PC: variants seen among roughly 807,000 people sequenced by gnomAD.
PC encodes pyruvate carboxylase, mitochondrial.
Under a neutral mutation model 107.8 loss-of-function variants are expected in PC, and 46 were observed. The ratio of observed to expected loss-of-function variants is 0.43; its 90% CI spans 0.34 to 0.55. The LOEUF is 0.55. PC is among the 20% of genes least tolerant of loss of function. The pLI, the probability that PC is intolerant of heterozygous loss-of-function variation, is 0.04. For missense variants in PC, 1,241 were observed against 1,643.1 expected (o/e 0.76, Z 4.23); for synonymous variants, 662 against 684.7 (o/e 0.97, Z 0.52).
intron 3 of PC, among the ~76,000 whole-genome samples, chr11:66,916,837 T>G (rs928102786): frequency 1.3e-5 from 2 of 151,680 alleles, no homozygotes; most frequent in African/African-American, 4.8e-5. Context: ...ACCTATAGTC[T>G]CAGCTACTCA....
chr11:66,879,960 T>C (rs2380760), intron 3 of PC, among the ~76,000 whole-genome samples: 43,791 of 151,722 alleles, frequency 0.29, 6,386 homozygotes, highest in Middle Eastern at 0.35. Flanking sequence ...AGAACCTAGT[T>C]ATGGCCCTGA....
chr11:66,877,551 C>T (rs116704918), intron 3 of PC, among the ~76,000 whole-genome samples: 6,101 of 152,292 alleles, frequency 0.04, 191 homozygotes, highest in African/African-American at 0.089. Context: ...ATTAGCTAGG[C>T]ATGGTGGCGG....
intron 12 of PC, among the ~76,000 whole-genome samples, chr11:66,863,526 T>C (rs1294037320): frequency 6.6e-6 from 1 of 152,050 alleles, no homozygotes; most frequent in Admixed American, 6.5e-5. Context: ...ACAGGAGGCA[T>C]GTGAGGACGA....
chr11:66,939,381 T>C (rs984914513), intron 3 of PC, among the ~76,000 whole-genome samples: 5 of 119,878 alleles, frequency 4.2e-5, no homozygotes, highest in Non-Finnish European at 9.4e-5. Context: ...CTGGCATCCA[T>C]AGGGGGGTCT....
chr11:66,859,612 T>G, intron 12 of PC: 1 of 1,612,174 alleles, frequency 6.2e-7, no homozygotes, highest in Non-Finnish European at 8.5e-7. Context: ...AGCCCCGGGC[T>G]CTGACCACCT....
At chr11:66,942,781 G>A (rs916624211) in intron 3 of PC, among the ~76,000 whole-genome samples, 17 of 152,118 alleles carry the variant, frequency 1.1e-4, no homozygotes, top group South Asian at 2.1e-4. Context: ...GGGAGGCCGA[G>A]GCGGGCGGAT....
chr11:66,885,882 C>T (rs1251452346), intron 3 of PC, among the ~76,000 whole-genome samples: 1 of 152,254 alleles, frequency 6.6e-6, no homozygotes, highest in African/African-American at 2.4e-5. Context: ...GAATCTAATA[C>T]ACCCAGGTTG....
intron 3 of PC, among the ~76,000 whole-genome samples, chr11:66,880,191 A>T (rs1947136020): frequency 6.6e-6 from 1 of 152,206 alleles, no homozygotes; most frequent in Admixed American, 6.5e-5. Flanking sequence ...AGGCCTTTCC[A>T]GAATCAACAT....
chr11:66,952,191 T>C (rs1299127827), intron 3 of PC: 2 of 152,292 alleles, frequency 1.3e-5, no homozygotes, highest in Non-Finnish European at 2.9e-5. Flanking sequence ...GGCCTTCTGC[T>C]GAGGCTGGCC....
At position 66,863,885 on chromosome 11, in the gene PC, C is replaced by G. The variant is rs1417266857; in HGVS notation, c.1257G>C (p.Ser419=). ...NASAFQGAVI[S]PHYDSLLVKV... ...TGACCAGCAGGGAGTCGTAGTGGGGCGAGATGACGGCTCCTTGGAAGGCGG... is the reference window on the plus strand; with the variant it reads ...TGACCAGCAGGGAGTCGTAGTGGGGGGAGATGACGGCTCCTTGGAAGGCGG... The change falls in exon 12 of 23, where the codon TCG becomes TCC. Residue 419 remains serine (S), a synonymous_variant. Coordinates refer to ENST00000393960, the MANE Select transcript of PC (RefSeq NM_001040716.2). The G allele has an allele frequency of 6.2e-7, 1 of 1,613,978 alleles. No individual in the cohort carries two copies. The highest frequency in any genetic ancestry group is 1.3e-5 in the African/African-American group (1 of 75,032).
chr11:66,907,348 T>A (rs1263072997), intron 3 of PC, among the ~76,000 whole-genome samples: 1 of 152,112 alleles, frequency 6.6e-6, no homozygotes, highest in Admixed American at 6.6e-5. Flanking sequence ...GCCAGCATGG[T>A]GAAACCCCGT....
intron 3 of PC, among the ~76,000 whole-genome samples, chr11:66,946,107 A>G (rs1380487083): frequency 6.6e-6 from 1 of 151,744 alleles, no homozygotes; most frequent in Non-Finnish European, 1.5e-5. Context: ...AAAAAAAAAA[A>G]AAAAAAAGAA....
At chr11:66,901,131 C>A (rs948686881) in intron 3 of PC, among the ~76,000 whole-genome samples, 9 of 152,130 alleles carry the variant, frequency 5.9e-5, no homozygotes, top group Admixed American at 3.3e-4. Context: ...TGAGTGGATG[C>A]CTCCTCCACA....
chr11:66,939,804 C>CAAAAAAAAAAAAAAAAAAAAAAAAAAAAA (rs56761659), intron 3 of PC, among the ~76,000 whole-genome samples: 2 of 40,160 alleles, frequency 5.0e-5, no homozygotes, highest in Admixed American at 3.9e-4. Flanking sequence ...AACTCCGTCT[C>CAAAAAAAAAAAAAAAAAAAAAAAAAAAAA]AAAAAAAAAA....
intron 3 of PC, among the ~76,000 whole-genome samples, chr11:66,895,026 G>GA (rs11421698): frequency 0.39 from 49,107 of 126,564 alleles, 9,352 homozygotes; most frequent in African/African-American, 0.51. Context: ...TCCGTCTCAG[G>GA]AAAAAAAAAA....
At chr11:66,931,384 G>GAAAAAAAAAAAAAAAAA (rs60081578) in intron 3 of PC, among the ~76,000 whole-genome samples, 2 of 84,946 alleles carry the variant, frequency 2.4e-5, no homozygotes, top group Non-Finnish European at 2.3e-5. Flanking sequence ...TCCATCTCAA[G>GAAAAAAAAAAAAAAAAA]AAAAAAAAAA....
Position 66,882,361 on chromosome 11 carries a change from C to T in PC, c.1-10202G>A, listed in dbSNP as rs556184432. On this transcript the variant is annotated intron_variant, in intron 3 of 22. Transcript: ENST00000393960. Reference sequence around the variant, plus strand: ...CCTACATATTCCTGTCCTCACAGAGCGTCTCCTGCAGCCTCAGAGGGCAGC... The same window carrying T: ...CCTACATATTCCTGTCCTCACAGAGTGTCTCCTGCAGCCTCAGAGGGCAGC... 3.9e-5 allele frequency among the ~76,000 whole-genome samples: 6 copies of T among 152,324 alleles called. No individual in the cohort carries two copies. In the East Asian group the frequency reaches 7.7e-4, roughly 20 times the overall value.
At chr11:66,903,337 G>A (rs1948027721) in intron 3 of PC, among the ~76,000 whole-genome samples, 1 of 152,158 alleles carries the variant, frequency 6.6e-6, no homozygotes, top group East Asian at 1.9e-4. Context: ...CAGGCCTTGG[G>A]TGAGGCACCA....
chr11:66,943,934 T>C (rs1159606994), intron 3 of PC, among the ~76,000 whole-genome samples: 1 of 145,030 alleles, frequency 6.9e-6, no homozygotes, highest in African/African-American at 2.6e-5. Flanking sequence ...AGTGAGCCAC[T>C]GCCCTCCAGC....
Sources: allele counts gnomAD v4.1 joint callset (sites outside exome capture counted in the v4.1 genomes callset), GRCh38; gene constraint gnomAD v4.1.1; transcripts MANE v1.5; gene names NCBI Gene and HGNC (gene_info 2026-07-23, HGNC 2026-07-21).